Variants in NOMO1 observed in about 807,000 individuals in gnomAD.
NOMO1 encodes the protein NODAL modulator 1.
NOMO1 carries 40 observed loss-of-function variants against 133.8 expected under a neutral mutation model. That is an observed-to-expected ratio of 0.30 (90% CI 0.23 to 0.39). The LOEUF is 0.39. NOMO1 is among the 10% of genes least tolerant of loss of function. The pLI, the probability that NOMO1 is intolerant of heterozygous loss-of-function variation, is 1.00. For synonymous variants in NOMO1, 236 were observed against 570.5 expected, an observed-to-expected ratio of 0.41 and a Z score of 8.36; for missense variants, 462 against 1,419.9, an observed-to-expected ratio of 0.33 and a Z score of 10.84.
At chr16:14,835,866 C>G (rs1207638345) in intron 1 of NOMO1, among the ~76,000 whole-genome samples, 8 of 152,080 alleles carry the variant, frequency 5.3e-5, no homozygotes, top group South Asian at 4.2e-4. Flanking sequence ...TTCATTGAGT[C>G]AACAACTATT....
Position 14,857,553 on chromosome 16 carries a change from G to A in NOMO1, c.1118G>A (p.Gly373Glu). The change falls in exon 11 of 31, where the codon GGG becomes GAG. Residue 373 changes from glycine (G) to glutamate (E), a missense_variant. Physicochemically the swap from Gly to Glu is moderately conservative, Grantham distance 98. Transcript: ENST00000287667. ...TTCCGCCTTGAGAACATAACCACAG[G>A]GACATACACCATCCATGCTCAGAAA... The part of the protein sequence containing the change: ...GSFRLENITT[G>E]TYTIHAQKEH... The A allele has an allele frequency of 6.2e-7, 1 of 1,610,702 alleles. No individual in the cohort carries two copies. Among genetic ancestry groups the A allele is most frequent in the Non-Finnish European group, 8.5e-7 (1 of 1,178,700 alleles).
At position 14,874,123 on chromosome 16, in the gene NOMO1, C is replaced by T. The variant is rs1315221407; in HGVS notation, c.2055-913C>T. On this transcript the variant is annotated intron_variant, in intron 18 of 30. Coordinates refer to ENST00000287667, the MANE Select transcript of NOMO1 (RefSeq NM_014287.4). ...CTGGTCTGACCCCCCTCTGGGGTCA[C>T]TGCAGCAGCTTCCCAGCTGGCCTTC... Among the ~76,000 whole-genome samples, 99 of 149,646 alleles carry T rather than the reference C, an allele frequency of 6.6e-4. 1 individual carries two copies. Among genetic ancestry groups the T allele is most frequent in the African/African-American group, 2.4e-3 (97 of 40,852 alleles).
chr16:14,885,103 C>T (rs899285938), intron 27 of NOMO1, among the ~76,000 whole-genome samples: 16 of 152,072 alleles, frequency 1.1e-4, no homozygotes, highest in Non-Finnish European at 2.2e-4. Flanking sequence ...TCAGATCTCA[C>T]AGGACTCATA....
intron 28 of NOMO1, chr16:14,888,610 G>A (rs1214248744): frequency 2.0e-5 from 5 of 246,030 alleles, no homozygotes; most frequent in Non-Finnish European, 3.2e-5. Context: ...GCAGCTGGTC[G>A]GTGCTCAGCA....
rs1345615575 is a variant in NOMO1 at position 14,886,955 on chromosome 16, A to C, written c.3324+93A>C. The C allele has an allele frequency of 6.1e-6, 9 of 1,463,562 alleles. No individual in the cohort carries two copies. In the Admixed American group the frequency reaches 8.8e-5, roughly 14 times the overall value. The allele number at this position is 1,463,562 out of a possible 1,614,324, so 90.7% of individuals were successfully genotyped here. Reference sequence around the variant, plus strand: ...GCACAGTTCTCTCCTTTTCTCCCTAAATACCACTCTGCAGAAATACGCTCT... The same window carrying C: ...GCACAGTTCTCTCCTTTTCTCCCTACATACCACTCTGCAGAAATACGCTCT... On this transcript the variant is annotated intron_variant, in intron 28 of 30. Transcript: ENST00000287667.
intron 28 of NOMO1, chr16:14,888,550 G>A (rs965045056): frequency 6.3e-5 from 11 of 175,350 alleles, no homozygotes; most frequent in African/African-American, 2.7e-4. Context: ...GCTGGTCGGT[G>A]CTCAGCACAC....
At chr16:14,875,645 A>ATGG (rs1964149724) in intron 20 of NOMO1, among the ~76,000 whole-genome samples, 5 of 125,572 alleles carry the variant, frequency 4.0e-5, no homozygotes, top group African/African-American at 1.5e-4. Flanking sequence ...TGGATGGATG[A>ATGG]ATGAATGAAT....
In NOMO1 at chr16:14,838,481, C is replaced by T. The variant is rs760717059; in HGVS notation, c.240C>T (p.Ile80=). 1.6e-5 allele frequency: 26 copies of T among 1,611,362 alleles called. No homozygotes were observed. Among genetic ancestry groups the T allele is most frequent in the Middle Eastern group, 2.2e-4 (1 of 4,448 alleles). The part of the protein sequence containing the change: ...DCAPNNGYFM[I]PLYDKGDFIL... ...CCCCTAATAATGGTTACTTTATGATCCCTTTGTATGATAAGGTAAGAGGGG... is the reference window on the plus strand; with the variant it reads ...CCCCTAATAATGGTTACTTTATGATTCCTTTGTATGATAAGGTAAGAGGGG... The change falls in exon 2 of 31, where the codon ATC becomes ATT. Residue 80 remains isoleucine (I), a synonymous_variant. Transcript: ENST00000287667.
chr16:14,869,585 G>C (rs1964052715), intron 16 of NOMO1, among the ~76,000 whole-genome samples: 1 of 132,532 alleles, frequency 7.5e-6, no homozygotes, highest in African/African-American at 2.8e-5. Context: ...AGTTTGTTCT[G>C]TTACATTGCT....
rs530043350 is a variant in NOMO1 at position 14,868,420 on chromosome 16, C to T, written c.1807-128C>T. ...AAGTTTTGGGAGGTTTTTAATTTTCCTGTGGCACCCAACTGCTCCAATGAT... is the reference window on the plus strand; with the variant it reads ...AAGTTTTGGGAGGTTTTTAATTTTCTTGTGGCACCCAACTGCTCCAATGAT... On this transcript the variant is annotated intron_variant, in intron 15 of 30. Transcript: ENST00000287667. 1.8e-4 allele frequency: 113 copies of T among 620,174 alleles called. 1 individual carries two copies. In the African/African-American group the frequency reaches 1.9e-3, roughly 11 times the overall value. The allele number at this position is 620,174 out of a possible 1,614,324, so 38.4% of individuals were successfully genotyped here.
chr16:14,864,475 C>A (rs1176745546), intron 12 of NOMO1, 110 bp from the exon 13 acceptor site: 20 of 1,536,812 alleles, frequency 1.3e-5, no homozygotes, highest in Admixed American at 1.0e-4. Flanking sequence ...GAACCTTTGG[C>A]CTTCAAAATC....
chr16:14,892,373 A>G, intron 29 of NOMO1, among the ~76,000 whole-genome samples: 1 of 151,772 alleles, frequency 6.6e-6, no homozygotes, highest in East Asian at 1.9e-4. Context: ...AGGCAGTGAC[A>G]TTCTCAGGGG....
At chr16:14,868,948 T>C (rs1425904075) in intron 16 of NOMO1, among the ~76,000 whole-genome samples, 3 of 150,758 alleles carry the variant, frequency 2.0e-5, no homozygotes, top group Non-Finnish European at 4.5e-5. Flanking sequence ...TTTTCTCTTT[T>C]TTTTTTTTGA....
At chr16:14,837,428 C>G (rs1183637845) in intron 1 of NOMO1, among the ~76,000 whole-genome samples, 7 of 152,142 alleles carry the variant, frequency 4.6e-5, no homozygotes, top group Admixed American at 4.6e-4. Flanking sequence ...AAACCGAACA[C>G]GAGCTTGCCC....
intron 2 of NOMO1, among the ~76,000 whole-genome samples, 173 bp downstream of exon 2, chr16:14,838,669 C>T (rs549218653): frequency 1.1e-4 from 17 of 152,064 alleles, no homozygotes; most frequent in African/African-American, 2.9e-4. Flanking sequence ...ACTGCCTTGA[C>T]GAATACAGTG....
chr16:14,884,530 G>C, intron 27 of NOMO1, 48 bp downstream of exon 27: 3 of 1,610,754 alleles, frequency 1.9e-6, no homozygotes, highest in Non-Finnish European at 2.5e-6. Flanking sequence ...CTTTGGCTTT[G>C]AGACAAGTAC....
intron 26 of NOMO1, among the ~76,000 whole-genome samples, chr16:14,883,339 C>CTT (rs1239971993): frequency 4.3e-5 from 6 of 140,964 alleles, no homozygotes; most frequent in Admixed American, 7.1e-5. Context: ...TTTTCTTTTT[C>CTT]TTTTTTTTTT....
chr16:14,857,181 C>T, intron 9 of NOMO1, 36 bp from the exon 10 acceptor site: 1 of 1,610,746 alleles, frequency 6.2e-7, no homozygotes, highest in Non-Finnish European at 8.5e-7. Context: ...CACAGGAGCA[C>T]CTTCGAGCAC....
intron 11 of NOMO1, 129 bp downstream of exon 11, chr16:14,857,784 T>G: frequency 9.9e-7 from 1 of 1,011,076 alleles, no homozygotes; most frequent in South Asian, 1.7e-5. Context: ...TTTTTTTTTT[T>G]TTTTTTTGAG....
Sources: gnomAD v4.1 joint callset for allele counts (sites outside exome capture counted in the v4.1 genomes callset) on GRCh38, gnomAD v4.1.1 for gene constraint, MANE v1.5 for transcripts, NCBI Gene and HGNC (gene_info 2026-07-23, HGNC 2026-07-21) for gene names.